DSCAML1: variants seen among roughly 807,000 people sequenced by gnomAD.
The protein encoded by DSCAML1 is DS cell adhesion molecule like 1.
Under a neutral mutation model 200.5 loss-of-function variants are expected in DSCAML1, and 38 were observed. The observed-to-expected ratio is 0.19, with a 90% confidence interval of 0.15 to 0.25. The LOEUF (loss-of-function observed/expected upper bound fraction) is 0.25. DSCAML1 is among the 10% of genes least tolerant of loss of function. DSCAML1 has a pLI of 1.00. For missense variants in DSCAML1, 2,223 were observed against 2,858.8 expected, an observed-to-expected ratio of 0.78 and a Z score of 5.07; for synonymous variants, 1,215 against 1,165.0, an observed-to-expected ratio of 1.04 and a Z score of -0.87.
chr11:117,605,039 C>T lies in DSCAML1; in HGVS notation c.512-72517G>A, dbSNP rs990633193. On this transcript the variant is annotated intron_variant, in intron 3 of 32. Coordinates refer to ENST00000651296, the MANE Select transcript of DSCAML1 (RefSeq NM_020693.4). ...AATATGGTTCTTTTTTCTACCCTGC[C>T]TCTCCCTGCTCCCTGGTCTGGTTCT... 3.3e-5 allele frequency among the ~76,000 whole-genome samples: 5 copies of T among 152,132 alleles called. No homozygotes were observed. The East Asian group carries it at 7.7e-4, about 23-fold the overall frequency.
rs1279532881 is a variant in DSCAML1 at position 117,696,523 on chromosome 11, T to C, written c.511+80268A>G. Among the ~76,000 whole-genome samples, 4 of 152,208 alleles carry C rather than the reference T, an allele frequency of 2.6e-5. No individual in the cohort carries two copies. In the East Asian group the frequency reaches 5.8e-4, roughly 22 times the overall value. ...TGTTTTCCCTGTTTCAGTTTGGTCA[T>C]TGGTTAATGTGAAACCATCTTCCTG... On this transcript the variant is annotated intron_variant, in intron 3 of 32. Transcript: ENST00000651296.
At chr11:117,800,674 G>A (rs1481143130), upstream of DSCAML1, among the ~76,000 whole-genome samples, 1 of 152,174 alleles carries the variant, frequency 6.6e-6, no homozygotes, top group Non-Finnish European at 1.5e-5. Flanking sequence ...GCTGGGTGAT[G>A]ATCTGTCTGT....
intron 3 of DSCAML1, among the ~76,000 whole-genome samples, chr11:117,673,069 G>T (rs1011433268): frequency 6.6e-6 from 1 of 152,006 alleles, no homozygotes; most frequent in South Asian, 2.1e-4. Context: ...GGTTTTCATC[G>T]CCTGTTTTTG....
intron 3 of DSCAML1, among the ~76,000 whole-genome samples, chr11:117,704,154 A>T (rs533463601): frequency 5.0e-5 from 7 of 140,322 alleles, no homozygotes; most frequent in African/African-American, 1.8e-4. Flanking sequence ...GGAAGGAGGA[A>T]GGGCGGGAAG....
intron 1 of DSCAML1, among the ~76,000 whole-genome samples, chr11:117,781,950 C>T (rs35066934): frequency 0.059 from 9,032 of 152,312 alleles, 296 homozygotes; most frequent in Non-Finnish European, 0.079. Flanking sequence ...AGGGGTGTCC[C>T]CCTTCCTCTT....
chr11:117,560,446 G>A (rs913257181), intron 3 of DSCAML1, among the ~76,000 whole-genome samples: 2 of 152,104 alleles, frequency 1.3e-5, no homozygotes, highest in South Asian at 2.1e-4. Flanking sequence ...TTTGATTTGC[G>A]TATTGCTCCA....
At position 117,433,407 on chromosome 11, in the gene DSCAML1, G is replaced by GGGAGGAGAAA. The variant is rs754153890; in HGVS notation, c.4907+24_4907+33dup. ...GTCCTCCTCAGGACAGAGGGGAGAA[G>GGGAGGAGAAA]GGAGGAGAAAGGAAGCAGCTTGGTG... On this transcript the variant is annotated intron_variant, in intron 28 of 32. Transcript: ENST00000651296. 4.3e-6 allele frequency: 7 copies of GGGAGGAGAAA among 1,612,656 alleles called. No individual in the cohort carries two copies. In the South Asian group the frequency reaches 7.7e-5, roughly 18 times the overall value.
At chr11:117,545,251 A>C (rs1461815409) in intron 3 of DSCAML1, among the ~76,000 whole-genome samples, 2 of 148,534 alleles carry the variant, frequency 1.3e-5, no homozygotes, top group Non-Finnish European at 3.0e-5. Context: ...ACACACACAC[A>C]CACACACACA....
intron 3 of DSCAML1, among the ~76,000 whole-genome samples, chr11:117,649,873 G>T (rs747056913): frequency 6.6e-6 from 1 of 152,150 alleles, no homozygotes; most frequent in African/African-American, 2.4e-5. Context: ...CCTGCCAAGT[G>T]CTTCCTCCTT....
chr11:117,550,211 G>C (rs1403535831), intron 3 of DSCAML1, among the ~76,000 whole-genome samples: 10 of 152,194 alleles, frequency 6.6e-5, no homozygotes, highest in Admixed American at 6.5e-4. Flanking sequence ...TCTAGGCTTA[G>C]TGCTAGATAC....
chr11:117,478,725 A>C (rs2048847868), intron 14 of DSCAML1, among the ~76,000 whole-genome samples: 1 of 152,190 alleles, frequency 6.6e-6, no homozygotes, highest in African/African-American at 2.4e-5. Context: ...ATCATAGGCC[A>C]CTTCCTGGTG....
intron 3 of DSCAML1, among the ~76,000 whole-genome samples, chr11:117,538,304 A>G (rs2050203849): frequency 6.6e-6 from 1 of 152,244 alleles, no homozygotes; most frequent in Non-Finnish European, 1.5e-5. Context: ...TGGAGAAAAG[A>G]AATAGAACTG....
chr11:117,814,127 A>ACC (rs34188885), intron 1 of DSCAML1, among the ~76,000 whole-genome samples: 2 of 150,876 alleles, frequency 1.3e-5, no homozygotes, highest in Non-Finnish European at 3.0e-5. Context: ...GCACCTTGTG[A>ACC]CCCCCCTTCC....
chr11:117,532,245 A>T, intron 4 of DSCAML1, 131 bp downstream of exon 4: 1 of 846,334 alleles, frequency 1.2e-6, no homozygotes, highest in Non-Finnish European at 1.7e-6. Context: ...TGATTTCTTT[A>T]ATCTCTTTCT....
At chr11:117,452,252 T>C (rs555901975) in intron 19 of DSCAML1, among the ~76,000 whole-genome samples, 1 of 152,374 alleles carries the variant, frequency 6.6e-6, no homozygotes, top group East Asian at 1.9e-4. Flanking sequence ...TCTTTCTCCA[T>C]GTAATTCATC....
chr11:117,592,493 T>C (rs1392897503), intron 3 of DSCAML1, among the ~76,000 whole-genome samples: 6 of 151,584 alleles, frequency 4.0e-5, no homozygotes. Flanking sequence ...TGGTGTCTCC[T>C]GTGGGGTCTG....
intron 3 of DSCAML1, among the ~76,000 whole-genome samples, chr11:117,583,761 C>T (rs1470217539): frequency 2.0e-5 from 3 of 152,240 alleles, no homozygotes; most frequent in African/African-American, 7.2e-5. Context: ...TCTGCATCTT[C>T]ATCCACAGAA....
rs1310029230 is a variant in DSCAML1 at position 117,753,720 on chromosome 11, A to G, written c.511+23071T>C. Among the ~76,000 whole-genome samples the G allele has an allele frequency of 2.6e-5, 4 of 152,220 alleles. No homozygotes were observed. The East Asian group carries it at 7.7e-4, about 29-fold the overall frequency. ...TGGCAGCTGAGACCTGTGACTTAGA[A>G]GGGCTTGCCCCCAGTATCCAGACTG... On this transcript the variant is annotated intron_variant, in intron 3 of 32. Transcript: ENST00000651296.
rs371666696 is a variant in DSCAML1 at position 117,439,809 on chromosome 11, C to A, written c.3980+10G>T. ...GGGCCACCCCATCCCTCCACTGTCC[C>A]GACACACACCTGTCCTTGGTCCACT... is the stretch of plus-strand genomic sequence containing the variant. On this transcript the variant is annotated intron_variant, in intron 22 of 32. Coordinates refer to ENST00000651296, the MANE Select transcript of DSCAML1 (RefSeq NM_020693.4). 18 of 1,611,832 alleles carry A rather than the reference C, an allele frequency of 1.1e-5. No individual in the cohort carries two copies. Among genetic ancestry groups the A allele is most frequent in the Non-Finnish European group, 1.5e-5 (18 of 1,178,128 alleles).
Sources: gnomAD v4.1 joint callset for allele counts (sites outside exome capture counted in the v4.1 genomes callset) on GRCh38, gnomAD v4.1.1 for gene constraint, MANE v1.5 for transcripts, NCBI Gene and HGNC (gene_info 2026-07-23, HGNC 2026-07-21) for gene names.